SOS2: variants seen among roughly 807,000 people sequenced by gnomAD.
SOS2 encodes SOS Ras/Rho guanine nucleotide exchange factor 2, also known as son of sevenless homolog 2.
A neutral mutation model predicts 148.2 loss-of-function variants in SOS2; 65 were observed. The observed-to-expected ratio is 0.44, with a 90% CI of 0.36 to 0.54. SOS2 has a LOEUF of 0.54. Among genes scored for constraint, SOS2 ranks in the 20% least tolerant of loss-of-function variants. The pLI is 0.00. For missense variants in SOS2, 1,341 were observed against 1,590.2 expected (o/e 0.84, Z 2.67); for synonymous variants, 539 against 537.1 (o/e 1.00, Z -0.05).
At chr14:50,222,031 A>T (rs999473776) in intron 1 of SOS2, among the ~76,000 whole-genome samples, 55 of 152,168 alleles carry the variant, frequency 3.6e-4, no homozygotes, top group African/African-American at 1.2e-3. Context: ...AAGTTCACAG[A>T]GAAAAAAAGG....
chr14:50,168,458 G>A (rs111906789), intron 8 of SOS2, among the ~76,000 whole-genome samples: 2,534 of 152,126 alleles, frequency 0.017, 71 homozygotes, highest in African/African-American at 0.058. Context: ...CTGGGTTCAC[G>A]CCATCCTTTC....
At chr14:50,190,071 T>G (rs1453149631) in intron 4 of SOS2, among the ~76,000 whole-genome samples, 1 of 152,046 alleles carries the variant, frequency 6.6e-6, no homozygotes, top group Non-Finnish European at 1.5e-5. Flanking sequence ...CAGGCTGGTC[T>G]CGAGCTTCTG....
At chr14:50,194,453 A>ATTT (rs58933204) in intron 4 of SOS2, among the ~76,000 whole-genome samples, 39 of 98,762 alleles carry the variant, frequency 3.9e-4, no homozygotes, top group African/African-American at 1.2e-3. Flanking sequence ...ATCCCTTTCA[A>ATTT]TTTTTTTTTT....
intron 8 of SOS2, among the ~76,000 whole-genome samples, chr14:50,164,921 A>G (rs1399027926): frequency 6.6e-6 from 1 of 152,086 alleles, no homozygotes; most frequent in East Asian, 1.9e-4. Context: ...AATTTTTAAC[A>G]TTTTGTCACA....
chr14:50,181,512 A>G (rs1264944823), intron 6 of SOS2, among the ~76,000 whole-genome samples: 2 of 152,050 alleles, frequency 1.3e-5, no homozygotes, highest in Non-Finnish European at 2.9e-5. Flanking sequence ...GTTGTTTACA[A>G]TAACAAAAAA....
intron 1 of SOS2, among the ~76,000 whole-genome samples, chr14:50,229,493 A>G (rs1311817821): frequency 7.4e-6 from 1 of 135,280 alleles, no homozygotes. Flanking sequence ...TGGCTTCTCC[A>G]GCCTAACTTG....
In SOS2 at chr14:50,231,235, G is replaced by T; in HGVS notation, c.49C>A (p.Pro17Thr). The part of the protein sequence containing the change: ...PYEFFSEENS[P>T]KWRGLLVSAL... ...GAGACCAACAGTCCCCGCCATTTCGGACTGTTCTCCTCGCTGAAGAACTCG... is the reference window on the plus strand; with the variant it reads ...GAGACCAACAGTCCCCGCCATTTCGTACTGTTCTCCTCGCTGAAGAACTCG... The change falls in exon 1 of 23, where the codon CCG becomes ACG. Residue 17 changes from proline to threonine, a missense_variant. Pro to Thr is a conservative substitution (Grantham distance 38, BLOSUM62 -1). Coordinates refer to ENST00000216373, the MANE Select transcript of SOS2 (RefSeq NM_006939.4). The T allele has an allele frequency of 6.6e-7, 1 of 1,515,830 alleles. No homozygotes were observed. Among genetic ancestry groups the T allele is most frequent in the Non-Finnish European group, 8.9e-7 (1 of 1,121,132 alleles). 93.9% of individuals were successfully genotyped at this position (1,515,830 alleles called of 1,614,324 possible).
rs145159422 is a variant in SOS2, at chr14:50,162,222, G to GCTAA, written c.1069-617_1069-614dup. Among the ~76,000 whole-genome samples the GCTAA allele has an allele frequency of 1.2e-3, 186 of 152,116 alleles. 2 individuals carry two copies. Among genetic ancestry groups the GCTAA allele is most frequent in the African/African-American group, 4.2e-3 (174 of 41,526 alleles). ...ACCAAGGGTGGAATACAGTGGCAGGGCTAACTGCAGCCTCGATCTCCTGGG... is the reference window on the plus strand; with the variant it reads ...ACCAAGGGTGGAATACAGTGGCAGGGCTAACTAACTGCAGCCTCGATCTCCTGGG... On this transcript the variant is annotated intron_variant, in intron 8 of 22. Transcript: ENST00000216373.
rs1273541394 is a variant in SOS2 at position 50,159,784 on chromosome 14, C to G, written c.1499G>C (p.Cys500Ser). Reference sequence around the variant, plus strand: ...GTGCTCACAAGTATCTTCTTTATCACAAATTTGTATTTTCCTCATGACAAA... The same window carrying G: ...GTGCTCACAAGTATCTTCTTTATCAGAAATTTGTATTTTCCTCATGACAAA... ...EKFVMRKIQI[C>S]DKEDTCEHKH... Residue 500 changes from cysteine to serine, a missense_variant, in exon 10 of 23, where the codon TGT becomes TCT. Physicochemically the swap from Cys to Ser is moderately radical, Grantham distance 112. This residue lies in a region of SOS2 where 574 missense variants were observed against 711.1 expected (regional missense o/e 0.81). Transcript: ENST00000216373. 5.0e-6 allele frequency: 8 copies of G among 1,613,998 alleles called. No individual in the cohort carries two copies. The East Asian group carries it at 1.8e-4, about 36-fold the overall frequency.
chr14:50,180,056 G>C (rs2139699800), intron 7 of SOS2, among the ~76,000 whole-genome samples: 1 of 151,516 alleles, frequency 6.6e-6, no homozygotes, highest in South Asian at 2.1e-4. Flanking sequence ...CCAAGCTGGA[G>C]TGCAGTGGCG....
rs1221459646 is a variant in SOS2 at position 50,118,357 on chromosome 14, T to C, written c.3986A>G (p.Glu1329Gly). ...ATATGGCTAAGGTCATTGGGGAGTT[T>C]CTGCATTTTCTAGCAAAGGCAGTCT... ...LYRLPLLENA[E>G]TPQ is the part of the protein sequence containing the mutation. Residue 1329 changes from glutamate to glycine, a missense_variant, in exon 23 of 23, where the codon GAA becomes GGA. This residue lies in a region of SOS2 where 354 missense variants were observed against 347.7 expected (regional missense o/e 1.02). Coordinates refer to ENST00000216373, the MANE Select transcript of SOS2 (RefSeq NM_006939.4). The C allele has an allele frequency of 6.2e-7, 1 of 1,613,654 alleles. No individual in the cohort carries two copies. The highest frequency in any genetic ancestry group is 8.5e-7 in the Non-Finnish European group (1 of 1,179,648).
rs1884223715 is a variant in SOS2 at position 50,140,203 on chromosome 14, A to G, written c.2668-144T>C. 12 of 522,486 alleles carry G rather than the reference A, an allele frequency of 2.3e-5. No homozygotes were observed. The East Asian group carries it at 3.3e-4, about 14-fold the overall frequency. The allele number at this position is 522,486 out of a possible 1,614,324, so 32.4% of individuals were successfully genotyped here. ...AAAGATGAGTGGTATTCCTTTGTAC[A>G]CTTACCTGAAGTGATTTCTCCTCTC... On this transcript the variant is annotated intron_variant, in intron 16 of 22. Coordinates refer to ENST00000216373, the MANE Select transcript of SOS2 (RefSeq NM_006939.4).
chr14:50,123,555 G>C (rs961863248), intron 21 of SOS2, among the ~76,000 whole-genome samples: 2 of 152,140 alleles, frequency 1.3e-5, no homozygotes, highest in Non-Finnish European at 2.9e-5. Flanking sequence ...GCTAATTTTT[G>C]TATTTTTAGT....
At chr14:50,198,276 T>C (rs1886376654) in intron 4 of SOS2, among the ~76,000 whole-genome samples, 1 of 151,984 alleles carries the variant, frequency 6.6e-6, no homozygotes, top group African/African-American at 2.4e-5. Flanking sequence ...CAACTTACTC[T>C]CATATGGTTC....
chr14:50,210,343 A>T (rs1187038444), intron 1 of SOS2, among the ~76,000 whole-genome samples: 1 of 152,206 alleles, frequency 6.6e-6, no homozygotes, highest in Non-Finnish European at 1.5e-5. Flanking sequence ...GAACCACTGC[A>T]GAAAAAGAAA....
At chr14:50,171,429 T>C (rs554163452) in intron 8 of SOS2, among the ~76,000 whole-genome samples, 30 of 152,214 alleles carry the variant, frequency 2.0e-4, no homozygotes, top group African/African-American at 7.0e-4. Context: ...CTCACCCCTG[T>C]AATCCCAGCA....
At chr14:50,129,627 C>T (rs77347827) in intron 21 of SOS2, among the ~76,000 whole-genome samples, 26,388 of 152,170 alleles carry the variant, frequency 0.17, 2,463 homozygotes, top group East Asian at 0.44. Flanking sequence ...CCTCGTGATC[C>T]ACCTGCCTTG....
chr14:50,213,035 T>C (rs943446400), intron 1 of SOS2, among the ~76,000 whole-genome samples: 1 of 152,008 alleles, frequency 6.6e-6, no homozygotes, highest in Non-Finnish European at 1.5e-5. Context: ...TGTACTACAC[T>C]AAAACAAGGG....
At chr14:50,208,464 T>C (rs183232886) in intron 1 of SOS2, among the ~76,000 whole-genome samples, 572 of 151,752 alleles carry the variant, frequency 3.8e-3, no homozygotes, top group Non-Finnish European at 6.6e-3. Context: ...CCCTGGCCAA[T>C]ACGGTGAAAC....
Sources: gnomAD v4.1 joint callset for allele counts (sites outside exome capture counted in the v4.1 genomes callset) on GRCh38, gnomAD v4.1.1 for gene constraint, gnomAD v4.1.1 regional missense constraint, MANE v1.5 for transcripts, NCBI Gene and HGNC (gene_info 2026-07-23, HGNC 2026-07-21) for gene names.